PRKG1: variants seen among roughly 807,000 people sequenced by gnomAD.
PRKG1 encodes cGMP-dependent protein kinase 1.
Under a neutral mutation model 88.1 loss-of-function variants are expected in PRKG1, and 35 were observed. The observed-to-expected ratio is 0.40, with a 90% CI of 0.30 to 0.53. The LOEUF is 0.53. Ranked by LOEUF, PRKG1 falls within the 20% of genes least tolerant of loss-of-function variation. PRKG1 has a pLI of 0.59. For synonymous variants in PRKG1, 303 were observed against 292.5 expected (o/e 1.04, Z -0.37); for missense variants, 540 against 839.8 (o/e 0.64, Z 4.41).
At chr10:51,862,975 A>G (rs145169085) in intron 4 of PRKG1, among the ~76,000 whole-genome samples, 4 of 152,302 alleles carry the variant, frequency 2.6e-5, no homozygotes, top group African/African-American at 9.6e-5. Context: ...TTTTAGCCCT[A>G]TATTGAAGAT....
intron 9 of PRKG1, among the ~76,000 whole-genome samples, chr10:52,248,664 T>C (rs1841087030): frequency 1.3e-5 from 2 of 152,120 alleles, no homozygotes; most frequent in Non-Finnish European, 2.9e-5. Context: ...TAGGGAAGTA[T>C]ATATTTAAGT....
chr10:52,150,780 C>T (rs1837890930), intron 8 of PRKG1, among the ~76,000 whole-genome samples: 1 of 152,144 alleles, frequency 6.6e-6, no homozygotes, highest in Non-Finnish European at 1.5e-5. Context: ...TAGGATTTCA[C>T]TTTCAAGTTG....
At chr10:51,546,689 T>C (rs578119856) in intron 3 of PRKG1, among the ~76,000 whole-genome samples, 1 of 152,208 alleles carries the variant, frequency 6.6e-6, no homozygotes, top group South Asian at 2.1e-4. Context: ...GCATAATGAA[T>C]AAATTTTATA....
chr10:51,807,505 A>G (rs1839337856), intron 4 of PRKG1, among the ~76,000 whole-genome samples: 1 of 152,222 alleles, frequency 6.6e-6, no homozygotes, highest in Non-Finnish European at 1.5e-5. Context: ...GCCTTTCTGA[A>G]TGAAGTCCTG....
At chr10:51,570,948 G>A (rs924555634) in intron 3 of PRKG1, among the ~76,000 whole-genome samples, 4 of 151,812 alleles carry the variant, frequency 2.6e-5, no homozygotes, top group South Asian at 4.1e-4. Context: ...TGGACATTTC[G>A]ACTTATAATA....
At chr10:52,201,338 C>A (rs779430836) in intron 9 of PRKG1, among the ~76,000 whole-genome samples, 1 of 151,990 alleles carries the variant, frequency 6.6e-6, no homozygotes, top group Non-Finnish European at 1.5e-5. Context: ...TGTTTACATT[C>A]ACGTTGTCGA....
chr10:51,995,920 T>G (rs752035832), intron 5 of PRKG1, among the ~76,000 whole-genome samples: 4 of 152,124 alleles, frequency 2.6e-5, no homozygotes, highest in African/African-American at 9.7e-5. Context: ...ATTATTTGGA[T>G]ATGACCCCAA....
intron 3 of PRKG1, among the ~76,000 whole-genome samples, chr10:51,571,383 C>T (rs1398452114): frequency 2.6e-5 from 4 of 151,774 alleles, no homozygotes; most frequent in African/African-American, 9.7e-5. Flanking sequence ...AATAATAATA[C>T]TTGTCTTGGC....
intron 9 of PRKG1, among the ~76,000 whole-genome samples, chr10:52,172,153 G>A (rs1284463249): frequency 6.6e-6 from 1 of 152,194 alleles, no homozygotes; most frequent in African/African-American, 2.4e-5. Flanking sequence ...TTGCTCTGCA[G>A]CGCTTATCTT....
intron 2 of PRKG1, among the ~76,000 whole-genome samples, chr10:51,295,152 T>A (rs542897993): frequency 1.0e-3 from 158 of 152,264 alleles, no homozygotes; most frequent in African/African-American, 3.5e-3. Flanking sequence ...ATTTTAGTAT[T>A]TTTTTCTACT....
At chr10:51,550,408 A>G (rs998914848) in intron 3 of PRKG1, among the ~76,000 whole-genome samples, 1 of 151,998 alleles carries the variant, frequency 6.6e-6, no homozygotes, top group African/African-American at 2.4e-5. Context: ...AAATCTCCAT[A>G]TAATTTTAGT....
chr10:51,548,514 A>T (rs886410603), intron 3 of PRKG1, among the ~76,000 whole-genome samples: 4 of 152,132 alleles, frequency 2.6e-5, no homozygotes, highest in African/African-American at 7.2e-5. Context: ...GAAAAGTTTT[A>T]AATGCTGTCT....
intron 3 of PRKG1, among the ~76,000 whole-genome samples, chr10:51,537,726 TC>T (rs1212956716): frequency 7.3e-5 from 2 of 27,572 alleles, no homozygotes; most frequent in African/African-American, 1.7e-4. Context: ...AGAGTCTGTC[TC>T]AAAAAAAAAA....
chr10:51,317,540 C>T (rs1014762793), intron 2 of PRKG1, among the ~76,000 whole-genome samples: 25 of 152,046 alleles, frequency 1.6e-4, no homozygotes, highest in African/African-American at 5.8e-4. Flanking sequence ...ACAGAATAAA[C>T]TGGTGACATC....
chr10:51,870,554 T>A (rs770763764), intron 4 of PRKG1, among the ~76,000 whole-genome samples: 45 of 152,008 alleles, frequency 3.0e-4, no homozygotes, highest in Non-Finnish European at 1.2e-4. Flanking sequence ...TTTTGGGGTG[T>A]CTTACATCTT....
intron 2 of PRKG1, among the ~76,000 whole-genome samples, chr10:51,190,774 T>A (rs1459692878): frequency 6.6e-6 from 1 of 151,918 alleles, no homozygotes; most frequent in Non-Finnish European, 1.5e-5. Context: ...GACAGTGAAG[T>A]GCAGAGCATG....
intron 7 of PRKG1, among the ~76,000 whole-genome samples, chr10:52,064,912 G>C (rs1178488642): frequency 6.6e-6 from 1 of 152,208 alleles, no homozygotes; most frequent in Admixed American, 6.5e-5. Flanking sequence ...GGGTTCACTT[G>C]TAGGTCATAA....
chr10:51,759,562 C>T (rs113924718), intron 3 of PRKG1, among the ~76,000 whole-genome samples: 87 of 152,276 alleles, frequency 5.7e-4, no homozygotes, highest in African/African-American at 1.9e-3. Context: ...GTGTGAGACA[C>T]CACGCCTGGC....
intron 5 of PRKG1, among the ~76,000 whole-genome samples, chr10:51,981,499 T>A (rs528658162): frequency 8.5e-5 from 13 of 152,140 alleles, no homozygotes; most frequent in African/African-American, 3.1e-4. Context: ...AGCAGTATAA[T>A]TACTGGAACC....
Sources: allele counts gnomAD v4.1 joint callset (sites outside exome capture counted in the v4.1 genomes callset), GRCh38; gene constraint gnomAD v4.1.1; transcripts MANE v1.5; gene names NCBI Gene and HGNC (gene_info 2026-07-23, HGNC 2026-07-21).